Variants in DCTN2 observed in about 807,000 individuals in gnomAD.
DCTN2 encodes 50 kDa dynein-associated polypeptide.
DCTN2 carries 18 observed loss-of-function variants against 55.4 expected under a neutral mutation model. The ratio of observed to expected loss-of-function variants is 0.32; its 90% CI spans 0.22 to 0.48. The LOEUF is 0.48. Ranked by LOEUF, DCTN2 falls within the 20% of genes least tolerant of loss-of-function variation. The probability of loss-of-function intolerance (pLI) is 0.99; values close to 1 mark genes in which losing one functional copy is unlikely to be tolerated. For missense variants in DCTN2, 390 were observed against 491.0 expected (o/e 0.79, Z 1.94); for synonymous variants, 168 against 185.2 (o/e 0.91, Z 0.76).
intron 4 of DCTN2, 148 bp downstream of exon 4, chr12:57,535,336 G>T: frequency 8.8e-7 from 1 of 1,133,542 alleles, no homozygotes; most frequent in Non-Finnish European, 1.3e-6. Context: ...ACAGCAGTAG[G>T]GCAGAGTTTC....
At chr12:57,543,823 AT>A (rs1880908764) in intron 2 of DCTN2, 1 of 1,289,588 alleles carries the variant, frequency 7.8e-7, no homozygotes, top group Non-Finnish European at 1.0e-6. Flanking sequence ...CCTGGGCAAC[AT>A]GCCACAGGAA....
chr12:57,543,508 TTATC>T (rs1880885191), intron 2 of DCTN2, among the ~76,000 whole-genome samples: 1 of 152,242 alleles, frequency 6.6e-6, no homozygotes, highest in African/African-American at 2.4e-5. Flanking sequence ...CATTTCTAGA[TTATC>T]TAAGCATACA....
chr12:57,541,266 T>C, intron 2 of DCTN2: 1 of 1,475,984 alleles, frequency 6.8e-7, no homozygotes, highest in Admixed American at 1.8e-5. Context: ...CACTGGAATT[T>C]AAAACGATTA....
At chr12:57,534,556 A>T in intron 5 of DCTN2, 104 bp from the exon 6 acceptor site, 1 of 1,295,120 alleles carries the variant, frequency 7.7e-7, no homozygotes, top group Non-Finnish European at 1.1e-6. Context: ...GGTCACTGGG[A>T]TGGTTTTCAG....
chr12:57,533,042 A>G lies in DCTN2; in HGVS notation c.736-20T>C, dbSNP rs759044305. 6.9e-6 allele frequency: 11 copies of G among 1,591,428 alleles called. No homozygotes were observed. In the East Asian group the frequency reaches 2.5e-4, roughly 36 times the overall value. On this transcript the variant is annotated intron_variant, in intron 8 of 13. Transcript: ENST00000548249. ...GGGATTCTGGTGGGAAAGGAAGGGA[A>G]GAAGTGAGTGGTCCTTATATCTCCA...
chr12:57,542,827 A>G (rs1337864501), intron 2 of DCTN2: 3 of 455,676 alleles, frequency 6.6e-6, no homozygotes, highest in Admixed American at 2.4e-5. Flanking sequence ...TCAAAAACCA[A>G]AAAGAAATCT....
chr12:57,542,849 G>A, intron 2 of DCTN2: 1 of 455,854 alleles, frequency 2.2e-6, no homozygotes, highest in Non-Finnish European at 4.4e-6. Context: ...GAGACCCCCT[G>A]AAAGGTTCCA....
chr12:57,545,370 C>T (rs1881062438), intron 2 of DCTN2, among the ~76,000 whole-genome samples: 1 of 152,066 alleles, frequency 6.6e-6, no homozygotes, highest in Non-Finnish European at 1.5e-5. Context: ...GGGGCAGAGA[C>T]ATTTCTTCCT....
At position 57,532,971 on chromosome 12, in the gene DCTN2, C is replaced by T. The variant is rs1879878263; in HGVS notation, c.774+13G>A. ...CTCTGTGATCCAAACACTCCAGTTT[C>T]TTCCAAACTCACCATGAGACAGGCT... On this transcript the variant is annotated intron_variant, in intron 9 of 13. Transcript: ENST00000548249. 4 of 1,601,536 alleles carry T rather than the reference C, an allele frequency of 2.5e-6. No individual in the cohort carries two copies. Among genetic ancestry groups the T allele is most frequent in the Non-Finnish European group, 2.6e-6 (3 of 1,174,310 alleles).
chr12:57,536,052 T>G, intron 2 of DCTN2: 1 of 580,134 alleles, frequency 1.7e-6, no homozygotes, highest in East Asian at 2.8e-5. Flanking sequence ...GTATAAATAT[T>G]AACACCCTCA....
intron 6 of DCTN2, 40 bp downstream of exon 6, chr12:57,534,252 C>T: frequency 6.5e-7 from 1 of 1,549,338 alleles, no homozygotes; most frequent in Non-Finnish European, 8.8e-7. Flanking sequence ...CATCCACAAC[C>T]CCAGTCAGCA....
At position 57,547,146 on chromosome 12, in the gene DCTN2, T is replaced by A. The variant is rs542746263; in HGVS notation, c.-83A>T. ...GGGTAGGGGAGAGGCTGGGTTCGGG[T>A]CCCGGGCTAAGGCGGCGGCAAAGGG... On this transcript the variant is annotated 5_prime_UTR_variant, in exon 1 of 14. Coordinates refer to ENST00000548249, the MANE Select transcript of DCTN2 (RefSeq NM_001261413.2). 310 of 1,179,932 alleles carry A rather than the reference T, an allele frequency of 2.6e-4. No homozygotes were observed. Among genetic ancestry groups the A allele is most frequent in the Non-Finnish European group, 3.2e-4 (298 of 927,558 alleles). 73.1% of individuals were successfully genotyped at this position (1,179,932 alleles called of 1,614,324 possible). A position where few individuals can be genotyped will look rare whatever the true frequency, so the allele number is the denominator to read the frequency against.
At chr12:57,532,155 G>T (rs1446741941) in intron 12 of DCTN2, 49 bp from the exon 13 acceptor site, 3 of 1,552,342 alleles carry the variant, frequency 1.9e-6, no homozygotes, top group South Asian at 2.4e-5. Flanking sequence ...TAAGGGAGGG[G>T]ACCAAAAGTT....
At position 57,532,815 on chromosome 12, in the gene DCTN2, G is replaced by A. The variant is rs759613332; in HGVS notation, c.775-5C>T. On this transcript the variant is annotated splice_region_variant and splice_polypyrimidine_tract_variant and intron_variant, in intron 9 of 13. Coordinates refer to ENST00000548249, the MANE Select transcript of DCTN2 (RefSeq NM_001261413.2). ...TTGCAACAGCTCTACAGTCTCCTGG[G>A]GATGGAAGTTGGGACAAGCATCATG... The A allele has an allele frequency of 1.9e-6, 3 of 1,613,944 alleles. No individual in the cohort carries two copies. Among genetic ancestry groups the A allele is most frequent in the Non-Finnish European group, 2.5e-6 (3 of 1,179,878 alleles).
chr12:57,541,514 C>A, intron 2 of DCTN2: 1 of 857,486 alleles, frequency 1.2e-6, no homozygotes, highest in South Asian at 1.6e-5. Flanking sequence ...TACTGTTTCT[C>A]ATCTCAGGAG....
chr12:57,530,786 G>GT lies in DCTN2; in HGVS notation c.1120-12dup, dbSNP rs774477318. ...CATGGTTGTCTGCACCTACAAAGTG[G>GT]TAGAGAGGTTTTACTCTTTGTCAGG... On this transcript the variant is annotated splice_polypyrimidine_tract_variant and intron_variant, in intron 13 of 13. Transcript: ENST00000548249. 18 of 1,610,302 alleles carry GT rather than the reference G, an allele frequency of 1.1e-5. No homozygotes were observed. Among genetic ancestry groups the GT allele is most frequent in the Non-Finnish European group, 1.4e-5 (16 of 1,176,672 alleles).
At position 57,530,720 on chromosome 12, in the gene DCTN2, A is replaced by G. The variant is rs369187818; in HGVS notation, c.1175T>C (p.Ile392Thr). The G allele has an allele frequency of 2.0e-5, 32 of 1,613,928 alleles. No individual in the cohort carries two copies. Among genetic ancestry groups the G allele is most frequent in the Middle Eastern group, 1.7e-4 (1 of 6,060 alleles). Residue 392 changes from isoleucine (I) to threonine (T), a missense_variant, in exon 14 of 14, where the codon ATT (isoleucine) becomes ACT (threonine). Physicochemically the swap from Ile to Thr is moderately conservative, Grantham distance 89 (BLOSUM62 -1). This residue lies in a region of DCTN2 where 273 missense variants were observed against 303.2 expected (regional missense o/e 0.90). Transcript: ENST00000548249. The part of the protein sequence containing the change: ...LATVEGNFAS[I>T]DERMKKLGK ...TCCCAGCTTCTTCATCCGTTCATCAATGCTGGCAAAGTTCCCCTCAACTGT... is the reference window on the plus strand; with the variant it reads ...TCCCAGCTTCTTCATCCGTTCATCAGTGCTGGCAAAGTTCCCCTCAACTGT...
At chr12:57,536,696 T>G (rs1263942701) in intron 2 of DCTN2, among the ~76,000 whole-genome samples, 2 of 152,116 alleles carry the variant, frequency 1.3e-5, no homozygotes, top group East Asian at 3.9e-4. Context: ...GACTTCACCC[T>G]AGAAACTGAA....
chr12:57,532,820 G>A lies in DCTN2; in HGVS notation c.775-10C>T. 6.2e-7 allele frequency: 1 copy of A among 1,613,928 alleles called. No individual in the cohort carries two copies. The highest frequency in any genetic ancestry group is 8.5e-7 in the Non-Finnish European group (1 of 1,179,866). ...ACAGCTCTACAGTCTCCTGGGGATG[G>A]AAGTTGGGACAAGCATCATGAAGAG... On this transcript the variant is annotated splice_polypyrimidine_tract_variant and intron_variant, in intron 9 of 13. Coordinates refer to ENST00000548249, the MANE Select transcript of DCTN2 (RefSeq NM_001261413.2).
Sources: gnomAD v4.1 joint callset for allele counts (sites outside exome capture counted in the v4.1 genomes callset) on GRCh38, gnomAD v4.1.1 for gene constraint, gnomAD v4.1.1 regional missense constraint, MANE v1.5 for transcripts, NCBI Gene and HGNC (gene_info 2026-07-23, HGNC 2026-07-21) for gene names.